Variants in OXR1 observed in about 807,000 individuals in gnomAD.
OXR1 encodes oxidation resistance 1.
OXR1 carries 41 observed loss-of-function variants against 104.6 expected under a neutral mutation model. The observed-to-expected ratio is 0.39, with a 90% CI of 0.31 to 0.51. The LOEUF is 0.51. Ranked by LOEUF, OXR1 falls within the 20% of genes least tolerant of loss-of-function variation. The pLI is 0.77. For missense variants in OXR1, 955 were observed against 1,031.9 expected (o/e 0.93, Z 1.02); for synonymous variants, 348 against 348.4 (o/e 1.00, Z 0.01).
intron 2 of OXR1, among the ~76,000 whole-genome samples, chr8:106,478,110 G>T (rs1489861207): frequency 6.6e-6 from 1 of 151,764 alleles, no homozygotes; most frequent in African/African-American, 2.4e-5. Context: ...ACCTTAACTT[G>T]ACAGTAATTA....
At chr8:106,370,096 C>T (rs1489102828) in intron 2 of OXR1, among the ~76,000 whole-genome samples, 1 of 152,082 alleles carries the variant, frequency 6.6e-6, no homozygotes, top group African/African-American at 2.4e-5. Context: ...TGTAGTTCTC[C>T]TTAAAGAGGT....
chr8:106,528,856 A>G (rs1047386467), intron 3 of OXR1, among the ~76,000 whole-genome samples: 3 of 152,210 alleles, frequency 2.0e-5, no homozygotes, highest in Admixed American at 6.5e-5. Flanking sequence ...CAACAGAACT[A>G]TCTTGGCATG....
intron 11 of OXR1, among the ~76,000 whole-genome samples, chr8:106,717,222 A>C (rs1389763040): frequency 6.6e-6 from 1 of 152,194 alleles, no homozygotes; most frequent in Non-Finnish European, 1.5e-5. Flanking sequence ...ATGTTTGTTA[A>C]ACTAATGAGT....
chr8:106,486,589 T>C (rs1189291029), intron 2 of OXR1, among the ~76,000 whole-genome samples: 1 of 152,166 alleles, frequency 6.6e-6, no homozygotes, highest in East Asian at 1.9e-4. Context: ...TTTTGCAGTA[T>C]TTCAATTACA....
chr8:106,355,591 A>G (rs1041772842), intron 1 of OXR1, among the ~76,000 whole-genome samples: 4 of 152,152 alleles, frequency 2.6e-5, no homozygotes, highest in Non-Finnish European at 4.4e-5. Flanking sequence ...AGGAAAGATG[A>G]TATAACAACA....
At chr8:106,279,299 A>C (rs1812184224) in intron 1 of OXR1, among the ~76,000 whole-genome samples, 1 of 152,172 alleles carries the variant, frequency 6.6e-6, no homozygotes, top group Non-Finnish European at 1.5e-5. Context: ...GGCATGGTAA[A>C]AATATTCTGT....
chr8:106,678,451 A>T (rs1314416958), intron 3 of OXR1, among the ~76,000 whole-genome samples: 1 of 151,920 alleles, frequency 6.6e-6, no homozygotes, highest in East Asian at 1.9e-4. Flanking sequence ...TGATTTATTT[A>T]GTTTTTTAGA....
At chr8:106,623,707 G>T (rs1234916250) in intron 3 of OXR1, among the ~76,000 whole-genome samples, 1 of 152,154 alleles carries the variant, frequency 6.6e-6, no homozygotes, top group African/African-American at 2.4e-5. Flanking sequence ...AGAGAAATGT[G>T]ACTTACCTCA....
At chr8:106,688,302 A>T (rs1828940164) in intron 6 of OXR1, among the ~76,000 whole-genome samples, 1 of 152,146 alleles carries the variant, frequency 6.6e-6, no homozygotes, top group African/African-American at 2.4e-5. Context: ...ATATGCAGAT[A>T]GTCATATTCT....
intron 2 of OXR1, among the ~76,000 whole-genome samples, chr8:106,373,381 G>T (rs569618431): frequency 6.6e-6 from 1 of 152,176 alleles, no homozygotes; most frequent in African/African-American, 2.4e-5. Flanking sequence ...TTTTTTACTG[G>T]TTGTTTAATG....
At chr8:106,716,152 A>G (rs942822581) in intron 11 of OXR1, among the ~76,000 whole-genome samples, 5 of 152,222 alleles carry the variant, frequency 3.3e-5, no homozygotes, top group African/African-American at 7.2e-5. Context: ...CATGAAATCT[A>G]AATATGATCT....
chr8:106,271,178 C>T (rs1033734419), intron 1 of OXR1, among the ~76,000 whole-genome samples: 1 of 152,074 alleles, frequency 6.6e-6, no homozygotes, highest in African/African-American at 2.4e-5. Flanking sequence ...GAGGCTTCCC[C>T]GTGCCGCCCC....
At chr8:106,378,509 GT>G (rs1407161850) in intron 2 of OXR1, among the ~76,000 whole-genome samples, 2 of 152,118 alleles carry the variant, frequency 1.3e-5, no homozygotes, top group Non-Finnish European at 2.9e-5. Context: ...TTTTGTTGTT[GT>G]TGTTGTTGTT....
chr8:106,518,508 AT>A (rs1813017106), intron 2 of OXR1, among the ~76,000 whole-genome samples: 1 of 152,228 alleles, frequency 6.6e-6, no homozygotes, highest in Non-Finnish European at 1.5e-5. Context: ...AAGATGCTGT[AT>A]AGATTAAGCA....
At chr8:106,669,950 A>T (rs1826763851) in intron 3 of OXR1, among the ~76,000 whole-genome samples, 1 of 152,322 alleles carries the variant, frequency 6.6e-6, no homozygotes, top group African/African-American at 2.4e-5. Flanking sequence ...CAAACATTTT[A>T]TTAAGGGTAT....
chr8:106,639,729 T>C (rs190787366), intron 3 of OXR1, among the ~76,000 whole-genome samples: 236 of 152,304 alleles, frequency 1.5e-3, no homozygotes, highest in Non-Finnish European at 2.2e-3. Context: ...AAATAAGATG[T>C]GGCAAGGGAT....
chr8:106,372,404 T>A (rs919392235), intron 2 of OXR1, among the ~76,000 whole-genome samples: 4 of 150,930 alleles, frequency 2.7e-5, no homozygotes, highest in Admixed American at 2.0e-4. Flanking sequence ...ACATGCTTAT[T>A]ATGTTTTTTT....
intron 3 of OXR1, among the ~76,000 whole-genome samples, chr8:106,596,448 A>G (rs1029479070): frequency 3.3e-5 from 5 of 152,148 alleles, no homozygotes; most frequent in Admixed American, 6.5e-5. Context: ...CTCTGTCTCA[A>G]AAAAACAAAC....
intron 3 of OXR1, among the ~76,000 whole-genome samples, chr8:106,595,405 C>G (rs1819440056): frequency 6.6e-6 from 1 of 151,864 alleles, no homozygotes; most frequent in Non-Finnish European, 1.5e-5. Context: ...CAAAAATTAG[C>G]CAGGCATGGT....
Sources: allele counts gnomAD v4.1 joint callset (sites outside exome capture counted in the v4.1 genomes callset), GRCh38; gene constraint gnomAD v4.1.1; transcripts MANE v1.5; gene names NCBI Gene and HGNC (gene_info 2026-07-23, HGNC 2026-07-21).